The following OTUD7A variants were observed in gnomAD, a reference collection of about 807,000 sequenced individuals.
The protein encoded by OTUD7A is OTU deubiquitinase 7A, also known as OTU domain-containing protein 7A.
A neutral mutation model predicts 65.7 loss-of-function variants in OTUD7A; 12 were observed. That is an observed-to-expected ratio of 0.18 (90% CI 0.12 to 0.30). The LOEUF is 0.30. Among genes scored for constraint, OTUD7A ranks in the 10% least tolerant of loss-of-function variants. The probability of loss-of-function intolerance (pLI) is 1.00; values close to 1 mark genes in which losing one functional copy is unlikely to be tolerated. For missense variants in OTUD7A, 1,148 were observed against 1,304.8 expected (o/e 0.88, Z 1.85); for synonymous variants, 641 against 586.3 (o/e 1.09, Z -1.35).
intron 3 of OTUD7A, among the ~76,000 whole-genome samples, chr15:31,646,655 T>G (rs1891680296): frequency 6.6e-6 from 1 of 152,054 alleles, no homozygotes; most frequent in African/African-American, 2.4e-5. Flanking sequence ...GAGACAGGGT[T>G]TCACCATGTT....
chr15:31,781,685 A>G (rs766027719), intron 1 of OTUD7A, among the ~76,000 whole-genome samples: 1 of 152,138 alleles, frequency 6.6e-6, no homozygotes, highest in Non-Finnish European at 1.5e-5. Flanking sequence ...TAGTGATTGC[A>G]GCCTCAGGGA....
intron 1 of OTUD7A, among the ~76,000 whole-genome samples, chr15:31,838,657 A>ACC (rs5811666): frequency 6.4e-4 from 93 of 144,788 alleles, no homozygotes; most frequent in Non-Finnish European, 1.0e-3. Context: ...GATCTCAAAG[A>ACC]CCCCCCCCCA....
intron 1 of OTUD7A, among the ~76,000 whole-genome samples, chr15:31,716,872 T>C (rs1893602081): frequency 1.3e-5 from 2 of 152,226 alleles, no homozygotes; most frequent in Non-Finnish European, 1.5e-5. Context: ...GCCTGTGGCC[T>C]GTGGGGCCGT....
In OTUD7A at chr15:31,500,179, G is replaced by A. The variant is rs564606191; in HGVS notation, c.1171+1511C>T. Among the ~76,000 whole-genome samples the A allele has an allele frequency of 5.3e-5, 8 of 152,312 alleles. No homozygotes were observed. The South Asian group carries it at 6.2e-4, about 12-fold the overall frequency. On this transcript the variant is annotated intron_variant, in intron 10 of 12. Transcript: ENST00000307050. ...AGGCCCTTCTGGTCTCCCAAGAGGC[G>A]GGGTCAGCCCTACGAAGAGCTAAAT...
At chr15:31,713,979 G>A (rs894432135) in intron 1 of OTUD7A, among the ~76,000 whole-genome samples, 4 of 141,610 alleles carry the variant, frequency 2.8e-5, no homozygotes, top group South Asian at 5.0e-4. Flanking sequence ...TGAAAATACC[G>A]AGTGTTGGCA....
At chr15:31,541,566 A>C (rs981196132) in intron 5 of OTUD7A, among the ~76,000 whole-genome samples, 2 of 152,192 alleles carry the variant, frequency 1.3e-5, no homozygotes, top group Non-Finnish European at 2.9e-5. Context: ...AAAGAGGAAA[A>C]GAGGTCAGAA....
At chr15:31,632,015 T>G (rs897778666) in intron 3 of OTUD7A, among the ~76,000 whole-genome samples, 8 of 152,200 alleles carry the variant, frequency 5.3e-5, no homozygotes, top group African/African-American at 1.9e-4. Context: ...AGTTTTTAAC[T>G]TCTTTGCCAT....
At chr15:31,534,537 A>G (rs1055102359) in intron 5 of OTUD7A, among the ~76,000 whole-genome samples, 4 of 152,220 alleles carry the variant, frequency 2.6e-5, no homozygotes, top group African/African-American at 4.8e-5. Flanking sequence ...ACATAGTATG[A>G]GAAGTCCTAG....
At chr15:31,525,863 G>A (rs2042004752) in intron 8 of OTUD7A, among the ~76,000 whole-genome samples, 1 of 152,204 alleles carries the variant, frequency 6.6e-6, no homozygotes, top group Non-Finnish European at 1.5e-5. Flanking sequence ...AGCCCATCTG[G>A]GAAACACCAG....
chr15:31,809,276 G>A (rs887390124), intron 1 of OTUD7A, among the ~76,000 whole-genome samples: 1 of 152,212 alleles, frequency 6.6e-6, no homozygotes, highest in African/African-American at 2.4e-5. Flanking sequence ...CTCTTAGGAA[G>A]TAAAGTGTAT....
intron 1 of OTUD7A, among the ~76,000 whole-genome samples, chr15:31,836,379 ACT>A (rs1309239497): frequency 2.0e-5 from 3 of 152,118 alleles, no homozygotes; most frequent in Non-Finnish European, 4.4e-5. Context: ...CTCCTTTTTT[ACT>A]CTCTTTGCAC....
chr15:31,864,047 C>T (rs10152502), intron 1 of OTUD7A, among the ~76,000 whole-genome samples: 90,480 of 152,036 alleles, frequency 0.6, 27,204 homozygotes, highest in East Asian at 0.69. Flanking sequence ...CCAGTCTCTT[C>T]GCTAAAACAT....
intron 2 of OTUD7A, among the ~76,000 whole-genome samples, chr15:31,655,625 T>C (rs567371291): frequency 1.3e-5 from 2 of 152,306 alleles, no homozygotes; most frequent in Admixed American, 1.3e-4. Flanking sequence ...TCCCTGATCT[T>C]AGACTTCCCA....
intron 3 of OTUD7A, among the ~76,000 whole-genome samples, chr15:31,627,346 T>C (rs1321305416): frequency 6.7e-6 from 1 of 149,394 alleles, no homozygotes; most frequent in African/African-American, 2.5e-5. Flanking sequence ...CAGTGTTTGG[T>C]TTTTTGTCCT....
At chr15:31,500,136 C>T (rs553897573) in intron 10 of OTUD7A, among the ~76,000 whole-genome samples, 6 of 152,310 alleles carry the variant, frequency 3.9e-5, no homozygotes, top group African/African-American at 1.4e-4. Flanking sequence ...CGCCCCTGGC[C>T]GATCCCAGGT....
intron 1 of OTUD7A, among the ~76,000 whole-genome samples, chr15:31,719,281 C>A (rs75624664): frequency 0.069 from 10,357 of 150,140 alleles, 880 homozygotes; most frequent in African/African-American, 0.21. Flanking sequence ...ATTGTTGGCT[C>A]CAACATACTC....
At chr15:31,489,018 T>A (rs2041280156) in intron 10 of OTUD7A, among the ~76,000 whole-genome samples, 1 of 152,180 alleles carries the variant, frequency 6.6e-6, no homozygotes, top group African/African-American at 2.4e-5. Flanking sequence ...CCTTTCCAGA[T>A]CTGAGCTGCA....
At chr15:31,655,712 G>C (rs556162948) in intron 2 of OTUD7A, among the ~76,000 whole-genome samples, 5 of 152,304 alleles carry the variant, frequency 3.3e-5, no homozygotes, top group Non-Finnish European at 7.3e-5. Context: ...TAGCAGCCCA[G>C]ATAGACTAAG....
chr15:31,484,885 G>A lies in OTUD7A; in HGVS notation c.1372-161C>T, dbSNP rs2141062264. Among the ~76,000 whole-genome samples, 1 of 152,346 alleles carries A rather than the reference G, an allele frequency of 6.6e-6. No individual in the cohort carries two copies. The highest frequency in any genetic ancestry group is 2.1e-4 in the South Asian group (1 of 4,832). ...TCTGGTGACTGTGACATCCGGATGG[G>A]CGGTGCTGAAGGAGCGGATAGGAGT... is the stretch of plus-strand genomic sequence containing the variant. On this transcript the variant is annotated intron_variant, in intron 12 of 12. Coordinates refer to ENST00000307050, the MANE Select transcript of OTUD7A (RefSeq NM_001382637.1). The surrounding 1 kb of genome is among the most constrained non-coding windows in gnomAD (Gnocchi z 4.5).
Sources: gnomAD v4.1 joint callset for allele counts (sites outside exome capture counted in the v4.1 genomes callset) on GRCh38, gnomAD v4.1.1 for gene constraint, Gnocchi (gnomAD v3.1) non-coding constraint, MANE v1.5 for transcripts, NCBI Gene and HGNC (gene_info 2026-07-23, HGNC 2026-07-21) for gene names.